Variants in PACRG observed in about 807,000 individuals in gnomAD.
PACRG encodes parkin coregulated, also known as parkin coregulated gene protein.
A neutral mutation model predicts 29.7 loss-of-function variants in PACRG; 29 were observed. The ratio of observed to expected loss-of-function variants is 0.98; its 90% CI spans 0.73 to 1.33. The LOEUF is 1.33. Ranked by LOEUF, PACRG falls within the 40% of genes most tolerant of loss-of-function variation. PACRG has a pLI of 0.00. For missense variants in PACRG, 279 were observed against 316.2 expected (o/e 0.88, Z 0.89); for synonymous variants, 116 against 118.7 (o/e 0.98, Z 0.15).
rs141728723 is a variant in PACRG, at chr6:162,826,402, A to C, written c.291+12121A>C. Among the ~76,000 whole-genome samples the C allele has an allele frequency of 7.2e-3, 1,100 of 152,246 alleles. 16 individuals are homozygous for C. The highest frequency in any genetic ancestry group is 0.025 in the African/African-American group (1,051 of 41,536). ...ATGTGTGTATTTACATGTATATGCA[A>C]ATATGTGTAGACATTTTGTTCCTAT... On this transcript the variant is annotated intron_variant, in intron 2 of 4. Transcript: ENST00000366888.
At chr6:163,037,303 A>T (rs982729967) in intron 2 of PACRG, among the ~76,000 whole-genome samples, 18 of 152,288 alleles carry the variant, frequency 1.2e-4, no homozygotes, top group Admixed American at 3.9e-4. Context: ...TGCAGAGCAG[A>T]GTGTCTGCAA....
At chr6:163,035,709 T>C (rs1032197403) in intron 2 of PACRG, among the ~76,000 whole-genome samples, 5 of 148,418 alleles carry the variant, frequency 3.4e-5, no homozygotes, top group African/African-American at 1.3e-4. Flanking sequence ...TCCTAGCTAC[T>C]TGGGAGGCTG....
chr6:163,015,534 T>G (rs1806014722), intron 2 of PACRG, among the ~76,000 whole-genome samples: 1 of 152,182 alleles, frequency 6.6e-6, no homozygotes, highest in Admixed American at 6.5e-5. Context: ...TTTCTAGCAG[T>G]ATTTTGTAGT....
chr6:162,909,236 A>G (rs575060983), intron 2 of PACRG, among the ~76,000 whole-genome samples: 28 of 152,250 alleles, frequency 1.8e-4, no homozygotes, highest in Middle Eastern at 6.8e-3. Flanking sequence ...AAGTCCTTCC[A>G]TACCGTTGTC....
intron 4 of PACRG, among the ~76,000 whole-genome samples, chr6:163,147,476 C>T (rs1255271476): frequency 1.3e-5 from 2 of 152,220 alleles, no homozygotes; most frequent in East Asian, 1.9e-4. Flanking sequence ...CCAGTGTCTC[C>T]AATCTTGCAG....
At chr6:162,881,773 C>T (rs1352969936) in intron 2 of PACRG, among the ~76,000 whole-genome samples, 1 of 147,524 alleles carries the variant, frequency 6.8e-6, no homozygotes, top group Admixed American at 6.7e-5. Flanking sequence ...AACAGAGATC[C>T]GGGAGGCTCT....
intron 2 of PACRG, among the ~76,000 whole-genome samples, chr6:162,995,603 G>A (rs540564269): frequency 3.9e-4 from 59 of 152,334 alleles, no homozygotes; most frequent in African/African-American, 1.3e-3. Context: ...TTCGGCTCGC[G>A]CCTGGTGCGT....
intron 4 of PACRG, among the ~76,000 whole-genome samples, chr6:163,166,638 T>C (rs751789989): frequency 7.9e-5 from 12 of 152,148 alleles, no homozygotes; most frequent in Non-Finnish European, 1.3e-4. Context: ...CAAAGCAAAA[T>C]AAAATGTATT....
chr6:163,314,898 C>T lies in PACRG; in HGVS notation c.685C>T (p.Leu229=), dbSNP rs780200134. Residue 229 remains leucine (L), a synonymous_variant, in exon 5 of 5, where the codon CTG becomes TTG. Transcript: ENST00000366888. The part of the protein sequence containing the change: ...ENIGDLIQET[L]EAFERYGGEN... The stretch of plus-strand genomic sequence containing the variant: ...CATTGGGGACTTGATCCAGGAGACA[C>T]TGGAGGCCTTCGAGCGCTACGGAGG... The T allele has an allele frequency of 1.1e-5, 18 of 1,614,106 alleles. 1 individual carries two copies. In the South Asian group the frequency reaches 1.8e-4, roughly 16 times the overall value.
chr6:163,124,468 G>T (rs1464829205), intron 4 of PACRG, among the ~76,000 whole-genome samples: 1 of 152,178 alleles, frequency 6.6e-6, no homozygotes, highest in Non-Finnish European at 1.5e-5. Flanking sequence ...AGCCAACTAT[G>T]TGACCTTGGG....
At chr6:163,241,238 G>A (rs1782495848) in intron 4 of PACRG, among the ~76,000 whole-genome samples, 1 of 152,122 alleles carries the variant, frequency 6.6e-6, no homozygotes, top group African/African-American at 2.4e-5. Flanking sequence ...TTTATGATAT[G>A]CTGTCATTGG....
intron 2 of PACRG, among the ~76,000 whole-genome samples, chr6:162,972,124 A>C (rs1018279327): frequency 6.6e-6 from 1 of 152,198 alleles, no homozygotes; most frequent in Admixed American, 6.5e-5. Context: ...TGCCTGTCAC[A>C]GGTTTTAAGA....
chr6:162,792,534 A>G (rs1193153729), intron 1 of PACRG, among the ~76,000 whole-genome samples: 1 of 152,100 alleles, frequency 6.6e-6, no homozygotes, highest in African/African-American at 2.4e-5. Context: ...CCAAGGAACT[A>G]GAGAGGCTGA....
rs1198197561 is a variant in PACRG at position 162,787,582 on chromosome 6, G to GTGTGTATATATA, written c.157-26564_157-26563insGTGTATATATAT. Among the ~76,000 whole-genome samples, 13 of 62,404 alleles carry GTGTGTATATATA rather than the reference G, an allele frequency of 2.1e-4. No individual in the cohort carries two copies. The East Asian group carries it at 4.6e-3, about 22-fold the overall frequency. The allele number at this position is 62,404 out of a possible 152,430, so 40.9% of individuals were successfully genotyped here. A position where few individuals can be genotyped will look rare whatever the true frequency, so the allele number is the denominator to read the frequency against. On this transcript the variant is annotated intron_variant, in intron 1 of 4. Coordinates refer to ENST00000366888, the MANE Select transcript of PACRG (RefSeq NM_001080379.2). ...ATTGTGTGTGTGTGTGTGTGTGTGT[G>GTGTGTATATATA]TATATATATATATATATATATATAT...
At chr6:162,858,917 C>T (rs767492853) in intron 2 of PACRG, among the ~76,000 whole-genome samples, 6 of 152,176 alleles carry the variant, frequency 3.9e-5, no homozygotes, top group Non-Finnish European at 7.3e-5. Context: ...TTCTAGTTTC[C>T]ATGCCTACTT....
intron 4 of PACRG, among the ~76,000 whole-genome samples, chr6:163,213,152 C>G (rs892150793): frequency 3.9e-5 from 6 of 152,150 alleles, no homozygotes; most frequent in African/African-American, 1.4e-4. Context: ...CACGTGGCAG[C>G]TGATGGAGCA....
At chr6:162,972,146 C>G (rs1334538147) in intron 2 of PACRG, among the ~76,000 whole-genome samples, 1 of 152,200 alleles carries the variant, frequency 6.6e-6, no homozygotes, top group Admixed American at 6.5e-5. Flanking sequence ...TTTGGCGAGT[C>G]TCAAATCTTC....
rs1813879393 is a variant in PACRG, at chr6:163,089,292, G to A, written c.497G>A (p.Cys166Tyr). The A allele has an allele frequency of 6.2e-7, 1 of 1,613,966 alleles. No homozygotes were observed. Among genetic ancestry groups the A allele is most frequent in the Non-Finnish European group, 8.5e-7 (1 of 1,180,010 alleles). The change falls in exon 4 of 5, where the codon TGT becomes TAT. Residue 166 changes from cysteine to tyrosine, a missense_variant. Coordinates refer to ENST00000366888, the MANE Select transcript of PACRG (RefSeq NM_001080379.2). Reference sequence around the variant, plus strand: ...AACCTCCGAAACCGACAGGTCATCTGTGTCACTCTCAAGGTCCTCCAGCAT... The same window carrying A: ...AACCTCCGAAACCGACAGGTCATCTATGTCACTCTCAAGGTCCTCCAGCAT... ...ALNLRNRQVI[C>Y]VTLKVLQHLV... is the part of the protein sequence containing the mutation.
At chr6:162,775,716 T>C (rs1008051754) in intron 1 of PACRG, among the ~76,000 whole-genome samples, 8 of 152,238 alleles carry the variant, frequency 5.3e-5, no homozygotes, top group African/African-American at 1.2e-4. Context: ...TTCTGAATCA[T>C]TTTGAAGCAG....
Sources: allele counts gnomAD v4.1 joint callset (sites outside exome capture counted in the v4.1 genomes callset), GRCh38; gene constraint gnomAD v4.1.1; transcripts MANE v1.5; gene names NCBI Gene and HGNC (gene_info 2026-07-23, HGNC 2026-07-21).